The following DTHD1 variants were observed in gnomAD, a reference collection of about 807,000 sequenced individuals.
DTHD1 encodes the protein death domain-containing protein 1.
DTHD1 carries 59 observed loss-of-function variants against 74.8 expected under a neutral mutation model. The observed-to-expected ratio is 0.79, with a 90% CI of 0.64 to 0.98. The LOEUF is 0.98. Among genes scored for constraint, DTHD1 ranks in the 50% least tolerant of loss-of-function variants. The pLI, the probability that DTHD1 is intolerant of heterozygous loss-of-function variation, is 0.00. For synonymous variants in DTHD1, 365 were observed against 371.1 expected (o/e 0.98, Z 0.19); for missense variants, 1,051 against 1,065.4 (o/e 0.99, Z 0.19).
chr4:36,306,943 G>A (rs945761036), intron 6 of DTHD1, among the ~76,000 whole-genome samples: 12 of 152,214 alleles, frequency 7.9e-5, no homozygotes, highest in African/African-American at 2.7e-4. Flanking sequence ...GAAAGCTCTT[G>A]GGTGAATCCT....
chr4:36,294,709 GA>G, intron 4 of DTHD1, 85 bp from the exon 5 acceptor site: 6 of 1,331,320 alleles, frequency 4.5e-6, no homozygotes, highest in African/African-American at 1.5e-5. Flanking sequence ...ATGCTGCATA[GA>G]ATTTTCAAAA....
intron 2 of DTHD1, among the ~76,000 whole-genome samples, chr4:36,284,956 C>T (rs1046450738): frequency 3.3e-5 from 5 of 152,130 alleles, no homozygotes; most frequent in African/African-American, 9.7e-5. Flanking sequence ...CTCCTAATAC[C>T]ATCACCTTGG....
chr4:36,291,997 T>C (rs1379206353), intron 3 of DTHD1, among the ~76,000 whole-genome samples: 1 of 152,184 alleles, frequency 6.6e-6, no homozygotes, highest in Non-Finnish European at 1.5e-5. Context: ...AAAAAATTCA[T>C]ATATACATGG....
At chr4:36,322,079 C>T (rs1011507746) in intron 8 of DTHD1, among the ~76,000 whole-genome samples, 4 of 152,192 alleles carry the variant, frequency 2.6e-5, no homozygotes, top group Admixed American at 2.6e-4. Context: ...TCTACTCTTA[C>T]CCTGCAACCT....
At chr4:36,338,108 C>A (rs1014394337) in intron 8 of DTHD1, among the ~76,000 whole-genome samples, 1 of 152,182 alleles carries the variant, frequency 6.6e-6, no homozygotes, top group African/African-American at 2.4e-5. Flanking sequence ...ACAAAGATCC[C>A]TTTTGTGCTC....
Position 36,316,426 on chromosome 4 carries a change from C to G in DTHD1, c.2280C>G (p.Leu760=). ...GKIVPNLNQS[L]VINENHSQLP... Reference sequence around the variant, plus strand: ...TAGTCCCCAACTTGAATCAATCTCTCGTAATTAATGAAAACCATTCTCAGT... The same window carrying G: ...TAGTCCCCAACTTGAATCAATCTCTGGTAATTAATGAAAACCATTCTCAGT... Residue 760 remains leucine (L), a synonymous_variant, in exon 8 of 10, where the codon CTC becomes CTG. Coordinates refer to ENST00000639862, the MANE Select transcript of DTHD1 (RefSeq NM_001170700.3). 1 of 1,551,772 alleles carries G rather than the reference C, an allele frequency of 6.4e-7. No individual in the cohort carries two copies. The highest frequency in any genetic ancestry group is 8.7e-7 in the Non-Finnish European group (1 of 1,146,978).
intron 2 of DTHD1, among the ~76,000 whole-genome samples, chr4:36,285,464 T>C (rs1025234710): frequency 4.6e-5 from 7 of 152,180 alleles, no homozygotes; most frequent in Non-Finnish European, 1.0e-4. Context: ...TTTCCTTGGA[T>C]ATGGTCTAGA....
chr4:36,327,371 T>TGTG (rs1268948735), intron 8 of DTHD1, among the ~76,000 whole-genome samples: 1 of 152,136 alleles, frequency 6.6e-6, no homozygotes, highest in Non-Finnish European at 1.5e-5. Flanking sequence ...TGACAAAACC[T>TGTG]GTGGGTATTA....
intron 2 of DTHD1, 111 bp from the exon 3 acceptor site, chr4:36,290,262 C>A: frequency 8.7e-7 from 1 of 1,142,882 alleles, no homozygotes; most frequent in Non-Finnish European, 1.2e-6. Flanking sequence ...TTGATCAGAA[C>A]TGGAATTCAC....
chr4:36,343,536 T>C lies in DTHD1; in HGVS notation c.2433T>C (p.Ala811=). The stretch of plus-strand genomic sequence containing the variant: ...GGGATAACTTGCTCCATTGGCTGGC[T>C]GAGGAGCTCTCAGAAGAAAATGCTG... ...ALWDNLLHWL[A]EELSEENAES... is the part of the protein sequence containing the mutation. The change falls in exon 10 of 10, where the codon GCT becomes GCC. Residue 811 remains alanine (A), a synonymous_variant. Coordinates refer to ENST00000639862, the MANE Select transcript of DTHD1 (RefSeq NM_001170700.3). 3.9e-6 allele frequency: 6 copies of C among 1,551,526 alleles called. No homozygotes were observed. Among genetic ancestry groups the C allele is most frequent in the Non-Finnish European group, 5.2e-6 (6 of 1,146,850 alleles).
chr4:36,314,981 T>A (rs1174923642), intron 7 of DTHD1, among the ~76,000 whole-genome samples: 1 of 152,112 alleles, frequency 6.6e-6, no homozygotes, highest in African/African-American at 2.4e-5. Context: ...TCTAAGAAGC[T>A]CAGAGATATG....
intron 3 of DTHD1, among the ~76,000 whole-genome samples, chr4:36,292,928 C>G (rs1756170298): frequency 6.6e-6 from 1 of 152,166 alleles, no homozygotes; most frequent in Non-Finnish European, 1.5e-5. Context: ...TGTATATATG[C>G]ATTACAAATT....
At position 36,346,072 on chromosome 4, in the gene DTHD1, GA is replaced by G. The variant is rs1225692041; in HGVS notation, c.*2251del. The stretch of plus-strand genomic sequence containing the variant: ...ACACCCAGCTCCCAACTCTCTCACA[GA>G]AACACACCTATTCACATACATAAAT... On this transcript the variant is annotated 3_prime_UTR_variant, in exon 10 of 10. Transcript: ENST00000639862. Among the ~76,000 whole-genome samples, 3 of 151,648 alleles carry G rather than the reference GA, an allele frequency of 2.0e-5. No homozygotes were observed. The highest frequency in any genetic ancestry group is 4.4e-5 in the Non-Finnish European group (3 of 67,898).
At chr4:36,333,348 G>A (rs914599408) in intron 8 of DTHD1, 4 of 151,908 alleles carry the variant, frequency 2.6e-5, no homozygotes, top group Non-Finnish European at 5.9e-5. Flanking sequence ...TATGTCTGAA[G>A]GAAAAAAGTT....
intron 5 of DTHD1, among the ~76,000 whole-genome samples, chr4:36,304,579 G>A (rs1448330885): frequency 6.6e-6 from 1 of 152,188 alleles, no homozygotes; most frequent in Non-Finnish European, 1.5e-5. Flanking sequence ...ATGAAGACAT[G>A]AAATTCACAT....
chr4:36,291,726 G>A (rs1326011713), intron 3 of DTHD1, among the ~76,000 whole-genome samples: 4 of 152,190 alleles, frequency 2.6e-5, no homozygotes, highest in Non-Finnish European at 4.4e-5. Context: ...TACTGGGGAG[G>A]CTGAGGCAGG....
At chr4:36,307,883 C>CT (rs1363507821) in intron 6 of DTHD1, among the ~76,000 whole-genome samples, 2 of 151,866 alleles carry the variant, frequency 1.3e-5, no homozygotes, top group Non-Finnish European at 2.9e-5. Context: ...TTATTTATTT[C>CT]TTTTTTTACA....
At chr4:36,287,217 G>A (rs1349190992) in intron 2 of DTHD1, among the ~76,000 whole-genome samples, 1 of 152,150 alleles carries the variant, frequency 6.6e-6, no homozygotes. Context: ...TTGTAAGCGA[G>A]AAAATAAAAT....
Position 36,284,076 on chromosome 4 carries a change from C to A in DTHD1, c.372C>A (p.Cys124Ter), listed in dbSNP as rs760819882. ...AAGAAAAGGAGATTTGTAATTTATG[C>A]GGCATGCATGATGAATGTACTCCAC... is the stretch of plus-strand genomic sequence containing the variant. ...KKEEKEICNLCGMHDECTPQQ... is the reference protein window; with the variant it reads ...KKEEKEICNL Residue 124 changes from cysteine (C) to a stop codon, truncating the protein, a stop_gained, in exon 2 of 10, where the codon TGC becomes TGA. Transcript: ENST00000639862. LOFTEE classifies it high-confidence loss of function. The A allele has an allele frequency of 6.5e-7, 1 of 1,537,150 alleles. No homozygotes were observed. The highest frequency in any genetic ancestry group is 8.7e-7 in the Non-Finnish European group (1 of 1,146,882).
Sources: allele counts gnomAD v4.1 joint callset (sites outside exome capture counted in the v4.1 genomes callset), GRCh38; gene constraint gnomAD v4.1.1; transcripts MANE v1.5; gene names NCBI Gene and HGNC (gene_info 2026-07-23, HGNC 2026-07-21).